Variants in KNL1 observed in about 807,000 individuals in gnomAD.
KNL1 encodes the protein outer kinetochore KNL1 complex subunit KNL1.
A neutral mutation model predicts 201.3 loss-of-function variants in KNL1; 66 were observed. That is an observed-to-expected ratio of 0.33 (90% CI 0.27 to 0.40). The LOEUF is 0.40. Among genes scored for constraint, KNL1 ranks in the 10% least tolerant of loss-of-function variants. The pLI is 1.00. For synonymous variants in KNL1, 895 were observed against 899.2 expected (o/e 1.00, Z 0.08); for missense variants, 2,815 against 2,690.5 (o/e 1.05, Z -1.02).
Position 40,628,163 on chromosome 15 carries a change from T to C in KNL1, c.5470T>C (p.Ser1824Pro), listed in dbSNP as rs751768279. Residue 1824 changes from serine (S) to proline (P), a missense_variant, in exon 11 of 26, where the codon TCT becomes CCT. Around this residue, in one of 3 missense-constraint regions of KNL1, gnomAD observed 2,464 missense variants for 2,291.7 expected, o/e 1.08. Coordinates refer to ENST00000399668, the MANE Select transcript of KNL1 (RefSeq NM_144508.5). Reference protein sequence around the residue: ...LSRTPSSCSSSLDSIKADGTS... With the variant: ...LSRTPSSCSSPLDSIKADGTS... ...CAGGACCCCATCTAGTTGCAGCAGC[T>C]CTCTGGATTCAATCAAGGCTGATGG... 2.5e-6 allele frequency: 4 copies of C among 1,613,036 alleles called. No individual in the cohort carries two copies. The highest frequency in any genetic ancestry group is 2.5e-6 in the Non-Finnish European group (3 of 1,179,654).
chr15:40,633,449 G>C (rs902448377), intron 13 of KNL1, among the ~76,000 whole-genome samples: 4 of 152,146 alleles, frequency 2.6e-5, no homozygotes, highest in Admixed American at 6.6e-5. Flanking sequence ...TCCTGTTAAA[G>C]GGTAGTACAT....
In KNL1 at chr15:40,623,276, A is replaced by C. The variant is rs754266646; in HGVS notation, c.3012A>C (p.Glu1004Asp). The C allele has an allele frequency of 3.1e-6, 5 of 1,613,826 alleles. No homozygotes were observed. The highest frequency in any genetic ancestry group is 1.3e-5 in the African/African-American group (1 of 74,930). Residue 1004 changes from glutamate to aspartate, a missense_variant, in exon 10 of 26, where the codon GAA (glutamate) becomes GAC (aspartate). Around this residue, in one of 3 missense-constraint regions of KNL1, gnomAD observed 2,464 missense variants for 2,291.7 expected, o/e 1.08. Transcript: ENST00000399668. ...GTGTTTTCTTTCCAGGAAATGGTGA[A>C]AGTGACCGTCTAGTAGCAAATGACA... ...EESVFFPGNG[E>D]SDRLVANDSQ...
At chr15:40,629,455 T>G in intron 13 of KNL1, 84 bp downstream of exon 13, 1 of 568,790 alleles carries the variant, frequency 1.8e-6, no homozygotes. Context: ...GAGCAAATTT[T>G]CCTATAGAGA....
At position 40,623,350 on chromosome 15, in the gene KNL1, A is replaced by G. The variant is rs772374400; in HGVS notation, c.3086A>G (p.Glu1029Gly). 6.2e-7 allele frequency: 1 copy of G among 1,614,034 alleles called. No individual in the cohort carries two copies. The highest frequency in any genetic ancestry group is 1.7e-5 in the Admixed American group (1 of 60,012). ...TGGTCTAATAATAGGGGCCCTGTAG[A>G]GGTAGCTGATAACATGGAATTGTCT... Reference protein sequence around the residue: ...EEWSNNRGPVEVADNMELSKS... With the variant: ...EEWSNNRGPVGVADNMELSKS... The change falls in exon 10 of 26, where the codon GAG becomes GGG. Residue 1029 changes from glutamate (E) to glycine (G), a missense_variant. Transcript: ENST00000399668.
intron 10 of KNL1, among the ~76,000 whole-genome samples, chr15:40,627,254 C>G (rs1297358325): frequency 6.6e-6 from 1 of 152,174 alleles, no homozygotes; most frequent in African/African-American, 2.4e-5. Flanking sequence ...GTAGCTCATG[C>G]CTATAATCCC....
intron 25 of KNL1, 37 bp from the exon 26 acceptor site, chr15:40,662,037 G>C (rs962048504): frequency 7.8e-7 from 1 of 1,278,422 alleles, no homozygotes; most frequent in Admixed American, 1.7e-5. Context: ...AGACTCCGTC[G>C]CAAAAAAGAA....
At chr15:40,630,500 G>A (rs571007413) in intron 13 of KNL1, among the ~76,000 whole-genome samples, 48 of 152,304 alleles carry the variant, frequency 3.2e-4, no homozygotes, top group African/African-American at 1.1e-3. Flanking sequence ...ACAGCAGGAG[G>A]TGAATGGTGG....
rs1291618272 is a variant in KNL1 at position 40,659,461 on chromosome 15, G to A, written c.6836G>A (p.Ser2279Asn). ...STIQNHVGNT[S>N]QDDIATILSK... The stretch of plus-strand genomic sequence containing the variant: ...ATTCAGAATCACGTTGGGAACACTA[G>A]GTGAGTAAAGGGCCAACAGGGTAAG... The change falls in exon 25 of 26, where the codon AGC (serine) becomes AAC (asparagine). Residue 2279 changes from serine to asparagine, a missense_variant and splice_region_variant. Coordinates refer to ENST00000399668, the MANE Select transcript of KNL1 (RefSeq NM_144508.5). 6.2e-7 allele frequency: 1 copy of A among 1,612,360 alleles called. No homozygotes were observed. The highest frequency in any genetic ancestry group is 1.3e-5 in the African/African-American group (1 of 74,860).
intron 8 of KNL1, 126 bp downstream of exon 8, chr15:40,615,504 C>T (rs1892310373): frequency 7.2e-6 from 2 of 276,694 alleles, no homozygotes; most frequent in Non-Finnish European, 1.4e-5. Flanking sequence ...GCACGGTGCT[C>T]ACGCCTGTAA....
Position 40,620,725 on chromosome 15 carries a change from C to T in KNL1, c.461C>T (p.Thr154Ile). The change falls in exon 10 of 26, where the codon ACA (threonine) becomes ATA (isoleucine). Residue 154 changes from threonine (T) to isoleucine (I), a missense_variant. Coordinates refer to ENST00000399668, the MANE Select transcript of KNL1 (RefSeq NM_144508.5). Reference protein sequence around the residue: ...IFSDENQMDLTSSHTVMITKG... With the variant: ...IFSDENQMDLISSHTVMITKG... The stretch of plus-strand genomic sequence containing the variant: ...TCAGATGAAAACCAGATGGACCTGA[C>T]ATCAAGTCACACTGTAATGATTACC... 6.2e-7 allele frequency: 1 copy of T among 1,610,520 alleles called. No individual in the cohort carries two copies. Among genetic ancestry groups the T allele is most frequent in the African/African-American group, 1.3e-5 (1 of 74,738 alleles).
intron 14 of KNL1, chr15:40,643,135 A>G (rs889126366): frequency 1.3e-5 from 2 of 152,214 alleles, no homozygotes; most frequent in Non-Finnish European, 2.9e-5. Context: ...TATAGATGCT[A>G]TTCTAAAAAT....
At chr15:40,609,194 G>A (rs1205953112) in intron 5 of KNL1, among the ~76,000 whole-genome samples, 2 of 150,636 alleles carry the variant, frequency 1.3e-5, no homozygotes, top group African/African-American at 4.9e-5. Context: ...GATTGCTTGA[G>A]GCCAATAGTT....
rs948391984 is a variant in KNL1 at position 40,622,905 on chromosome 15, G to A, written c.2641G>A (p.Glu881Lys). ...DMDITKSYTI[E>K]INHRPLLEKR... Reference sequence around the variant, plus strand: ...GGATATCACTAAGAGTTATACAATAGAAATAAACCATAGACCTTTATTAGA... The same window carrying A: ...GGATATCACTAAGAGTTATACAATAAAAATAAACCATAGACCTTTATTAGA... Residue 881 changes from glutamate (E) to lysine (K), a missense_variant, in exon 10 of 26, where the codon GAA (glutamate) becomes AAA (lysine). By Grantham distance (56) the Glu-to-Lys change is moderately conservative (BLOSUM62 1). Around this residue, in one of 3 missense-constraint regions of KNL1, gnomAD observed 2,464 missense variants for 2,291.7 expected, o/e 1.08. Transcript: ENST00000399668. 3 of 1,612,474 alleles carry A rather than the reference G, an allele frequency of 1.9e-6. No individual in the cohort carries two copies. The highest frequency in any genetic ancestry group is 2.5e-6 in the Non-Finnish European group (3 of 1,179,164).
intron 7 of KNL1, among the ~76,000 whole-genome samples, chr15:40,614,496 G>A (rs1039328438): frequency 4.6e-5 from 7 of 152,114 alleles, no homozygotes; most frequent in Non-Finnish European, 1.0e-4. Flanking sequence ...GCCTCCCAAA[G>A]TGATGGGATT....
intron 25 of KNL1, among the ~76,000 whole-genome samples, chr15:40,660,867 G>A (rs1255526390): frequency 6.6e-6 from 1 of 152,018 alleles, no homozygotes; most frequent in African/African-American, 2.4e-5. Flanking sequence ...TGAGGCTGAG[G>A]TGGGAGGATT....
chr15:40,657,309 A>T, intron 23 of KNL1, 46 bp from the exon 24 acceptor site: 1 of 1,249,760 alleles, frequency 8.0e-7, no homozygotes, highest in Non-Finnish European at 1.2e-6. Context: ...CTAAGCATTG[A>T]AATGTTTTCA....
In KNL1 at chr15:40,622,178, G is replaced by T; in HGVS notation, c.1914G>T (p.Trp638Cys). The change falls in exon 10 of 26, where the codon TGG (tryptophan) becomes TGT (cysteine). Residue 638 changes from tryptophan (W) to cysteine (C), a missense_variant. This residue lies in a region of KNL1 where 2,464 missense variants were observed against 2,291.7 expected (regional missense o/e 1.08). Transcript: ENST00000399668. ...CCAAAAACAGCTTAACCGACACCTG[G>T]AACAAAGACAAAGATTGGGTTTTGA... ...IIAKNSLTDT[W>C]NKDKDWVLKI... 1 of 1,614,046 alleles carries T rather than the reference G, an allele frequency of 6.2e-7. No individual in the cohort carries two copies.
At chr15:40,659,894 A>ATGTGTGTGTGTGTGTGTGTG (rs776409302) in intron 25 of KNL1, among the ~76,000 whole-genome samples, 4 of 146,974 alleles carry the variant, frequency 2.7e-5, no homozygotes, top group African/African-American at 1.0e-4. Flanking sequence ...TGAAGAATTT[A>ATGTGTGTGTGTGTGTGTGTG]TGTGTGTGTG....
rs1466185638 is a variant in KNL1 at position 40,623,670 on chromosome 15, T to G, written c.3406T>G (p.Leu1136Val). 5.6e-6 allele frequency: 9 copies of G among 1,613,874 alleles called. No homozygotes were observed. Among genetic ancestry groups the G allele is most frequent in the Non-Finnish European group, 7.6e-6 (9 of 1,179,882 alleles). The change falls in exon 10 of 26, where the codon TTA becomes GTA. Residue 1136 changes from leucine (L) to valine (V), a missense_variant. This residue lies in a region of KNL1 where 2,464 missense variants were observed against 2,291.7 expected (regional missense o/e 1.08). Transcript: ENST00000399668. Reference sequence around the variant, plus strand: ...GATCACTAGGAGTCACACAACTGCCTTAGAATGTAAAACTCTCCTGCCAAA... The same window carrying G: ...GATCACTAGGAGTCACACAACTGCCGTAGAATGTAAAACTCTCCTGCCAAA... ...MEITRSHTTALECKTLLPNEI... is the reference protein window; with the variant it reads ...MEITRSHTTAVECKTLLPNEI...
Sources: gnomAD v4.1 joint callset for allele counts (sites outside exome capture counted in the v4.1 genomes callset) on GRCh38, gnomAD v4.1.1 for gene constraint, gnomAD v4.1.1 regional missense constraint, MANE v1.5 for transcripts, NCBI Gene and HGNC (gene_info 2026-07-23, HGNC 2026-07-21) for gene names.